IQGAP2: variants seen among roughly 807,000 people sequenced by gnomAD.
IQGAP2 encodes ras GTPase-activating-like protein IQGAP2.
In IQGAP2, 173 loss-of-function variants were observed where a neutral mutation model predicts 201.3. That is an observed-to-expected ratio of 0.86 (90% CI 0.76 to 0.98). IQGAP2 has a LOEUF of 0.98. IQGAP2 is among the 50% of genes least tolerant of loss of function. IQGAP2 has a pLI of 0.00. For synonymous variants in IQGAP2, 675 were observed against 673.9 expected (o/e 1.00, Z -0.03); for missense variants, 1,687 against 1,864.8 (o/e 0.90, Z 1.76).
In IQGAP2 at chr5:76,403,896, G is replaced by C. The variant is rs957727054; in HGVS notation, c.46+305G>C. Among the ~76,000 whole-genome samples the C allele has an allele frequency of 6.6e-6, 1 of 152,204 alleles. No homozygotes were observed. Among genetic ancestry groups the C allele is most frequent in the African/African-American group, 2.4e-5 (1 of 41,466 alleles). ...GACAGACCAGGTTGGGATTTTAGGG[G>C]TATCAGGTGAGGAGTCCGCGGAGCT... On this transcript the variant is annotated intron_variant, in intron 1 of 35. Transcript: ENST00000274364. The surrounding 1 kb of genome is among the most constrained non-coding windows in gnomAD (Gnocchi z 4.8).
At chr5:76,415,110 C>CT (rs1346678376) in intron 1 of IQGAP2, among the ~76,000 whole-genome samples, 1 of 152,170 alleles carries the variant, frequency 6.6e-6, no homozygotes, top group African/African-American at 2.4e-5. Context: ...GGAAGAGGGA[C>CT]TGGGGGCAGG....
chr5:76,677,403 GT>G, intron 28 of IQGAP2, 53 bp downstream of exon 28: 1 of 1,569,148 alleles, frequency 6.4e-7, no homozygotes, highest in Non-Finnish European at 8.7e-7. Context: ...TTAGGCATCT[GT>G]TATCTTGAAA....
chr5:76,613,420 A>T (rs1319470878), intron 13 of IQGAP2, among the ~76,000 whole-genome samples: 2 of 152,226 alleles, frequency 1.3e-5, no homozygotes, highest in Non-Finnish European at 2.9e-5. Flanking sequence ...CAAATCATCA[A>T]ATCTCTATAT....
In IQGAP2 at chr5:76,570,593, A is replaced by G. The variant is rs989422308; in HGVS notation, c.317A>G (p.His106Arg). 2 of 1,613,194 alleles carry G rather than the reference A, an allele frequency of 1.2e-6. No homozygotes were observed. ...EQTRYKKSGL[H>R]FRHTDNTVQW... ...TCGTCACTTTAGAAGTCTGGCCTTC[A>G]TTTTCGACACACAGATAATACCGTC... The change falls in exon 4 of 36, where the codon CAT becomes CGT. Residue 106 changes from histidine to arginine, a missense_variant. By Grantham distance (29) the His-to-Arg change is conservative. Coordinates refer to ENST00000274364, the MANE Select transcript of IQGAP2 (RefSeq NM_006633.5).
intron 30 of IQGAP2, among the ~76,000 whole-genome samples, chr5:76,692,444 G>T (rs775129693): frequency 6.6e-6 from 1 of 152,140 alleles, no homozygotes; most frequent in Non-Finnish European, 1.5e-5. Flanking sequence ...GAGCCACCGC[G>T]CCTGGCCCTT....
At chr5:76,681,464 A>G (rs1276178480) in intron 28 of IQGAP2, among the ~76,000 whole-genome samples, 1 of 152,094 alleles carries the variant, frequency 6.6e-6, no homozygotes, top group Non-Finnish European at 1.5e-5. Context: ...ACTAATAATT[A>G]GAGAAATCAA....
At chr5:76,595,492 A>G (rs965562791) in intron 9 of IQGAP2, among the ~76,000 whole-genome samples, 5 of 151,694 alleles carry the variant, frequency 3.3e-5, no homozygotes, top group Admixed American at 6.6e-5. Flanking sequence ...AGGTGCAGTG[A>G]CTCATGCCTG....
intron 29 of IQGAP2, 64 bp downstream of exon 29, chr5:76,683,281 G>T (rs539425537): frequency 4.5e-6 from 5 of 1,106,532 alleles, no homozygotes; most frequent in Middle Eastern, 2.0e-4. Context: ...TGGTTGGTTG[G>T]TTCGTTGGTT....
chr5:76,673,026 G>A (rs957704294), intron 24 of IQGAP2, among the ~76,000 whole-genome samples: 6 of 151,462 alleles, frequency 4.0e-5, no homozygotes, highest in African/African-American at 9.7e-5. Context: ...TGCACATTGT[G>A]CACATGTACC....
Position 76,597,558 on chromosome 5 carries a change from A to G in IQGAP2, c.1027A>G (p.Met343Val), listed in dbSNP as rs752289860. The change falls in exon 10 of 36, where the codon ATG becomes GTG. Residue 343 changes from methionine (M) to valine (V), a missense_variant. Coordinates refer to ENST00000274364, the MANE Select transcript of IQGAP2 (RefSeq NM_006633.5). ...LPAVYPFAAA[M>V]YQNELFNLQK... ...TGCTGTTTATCCCTTTGCTGCTGCC[A>G]TGTATCAGAACGAACTTTTCAACCT... The G allele has an allele frequency of 2.5e-6, 4 of 1,614,022 alleles. No homozygotes were observed. Among genetic ancestry groups the G allele is most frequent in the Non-Finnish European group, 3.4e-6 (4 of 1,179,964 alleles).
intron 2 of IQGAP2, among the ~76,000 whole-genome samples, chr5:76,518,279 T>G (rs1758459757): frequency 6.6e-6 from 1 of 152,186 alleles, no homozygotes; most frequent in African/African-American, 2.4e-5. Flanking sequence ...GATATTTAAT[T>G]GGACTTACAG....
At chr5:76,674,834 C>A (rs1744661634) in intron 27 of IQGAP2, 125 bp downstream of exon 27, 1 of 673,738 alleles carries the variant, frequency 1.5e-6, no homozygotes, top group Non-Finnish European at 2.6e-6. Context: ...AGCATTTCTT[C>A]TACCAGCCAC....
chr5:76,539,553 C>A (rs1245131947), intron 2 of IQGAP2, among the ~76,000 whole-genome samples: 2 of 152,172 alleles, frequency 1.3e-5, no homozygotes, highest in Non-Finnish European at 2.9e-5. Context: ...CTAGTCTCTC[C>A]TAGTGATTCT....
chr5:76,630,304 TTA>T (rs1367331591), intron 14 of IQGAP2, among the ~76,000 whole-genome samples: 1 of 152,144 alleles, frequency 6.6e-6, no homozygotes, highest in African/African-American at 2.4e-5. Flanking sequence ...ACTCACCAGA[TTA>T]TAGCACAGCA....
At chr5:76,558,878 C>CTGG (rs1744128334) in intron 2 of IQGAP2, among the ~76,000 whole-genome samples, 1 of 152,086 alleles carries the variant, frequency 6.6e-6, no homozygotes, top group African/African-American at 2.4e-5. Flanking sequence ...CTCTCCCTGG[C>CTGG]TGGTAATCTC....
chr5:76,585,341 G>T (rs1480352350), intron 5 of IQGAP2, among the ~76,000 whole-genome samples: 1 of 152,038 alleles, frequency 6.6e-6, no homozygotes, highest in Non-Finnish European at 1.5e-5. Flanking sequence ...ACATTTTACT[G>T]TATAACATTT....
intron 4 of IQGAP2, among the ~76,000 whole-genome samples, chr5:76,573,873 C>T (rs1293295905): frequency 1.3e-5 from 2 of 151,572 alleles, no homozygotes; most frequent in African/African-American, 2.4e-5. Flanking sequence ...ATCTACCTGC[C>T]TCTGCCTTCC....
chr5:76,457,708 G>C (rs11739424), intron 1 of IQGAP2, among the ~76,000 whole-genome samples: 1 of 152,166 alleles, frequency 6.6e-6, no homozygotes, highest in African/African-American at 2.4e-5. Context: ...TTTTGTACGT[G>C]TTCTTTGGGA....
intron 24 of IQGAP2, among the ~76,000 whole-genome samples, chr5:76,672,697 C>T (rs1160781471): frequency 1.3e-5 from 2 of 152,142 alleles, no homozygotes; most frequent in Non-Finnish European, 2.9e-5. Flanking sequence ...ACATACGCCA[C>T]ACAGGATCTG....
Sources: allele counts gnomAD v4.1 joint callset (sites outside exome capture counted in the v4.1 genomes callset), GRCh38; gene constraint gnomAD v4.1.1; non-coding constraint Gnocchi (gnomAD v3.1); transcripts MANE v1.5; gene names NCBI Gene and HGNC (gene_info 2026-07-23, HGNC 2026-07-21).